ZNF804B: variants seen among roughly 807,000 people sequenced by gnomAD.
ZNF804B encodes the protein zinc finger 804B.
In ZNF804B, 80 loss-of-function variants were observed where a neutral mutation model predicts 101.4. That is an observed-to-expected ratio of 0.79 (90% confidence interval 0.66 to 0.95). The LOEUF (loss-of-function observed/expected upper bound fraction) is 0.95, where lower values mean the gene tolerates loss of function less well. ZNF804B is among the 40% of genes least tolerant of loss of function. The probability of loss-of-function intolerance (pLI) is 0.00; values close to 1 mark genes in which losing one functional copy is unlikely to be tolerated. For synonymous variants in ZNF804B, 622 were observed against 558.8 expected (o/e 1.11, Z -1.59); for missense variants, 1,673 against 1,561.9 (o/e 1.07, Z -1.20).
rs759020919 is a variant in ZNF804B at position 89,333,904 on chromosome 7, G to A, written c.922G>A (p.Asp308Asn). 23 of 1,613,250 alleles carry A rather than the reference G, an allele frequency of 1.4e-5. No individual in the cohort carries two copies. Among genetic ancestry groups the A allele is most frequent in the South Asian group, 4.4e-5 (4 of 91,032 alleles). ...CTCTAAAATTTTGCAAGACAAACAC[G>A]ACTCTATTGATGAGACACTAGAAGA... ...INSKILQDKH[D>N]SIDETLEDSI... Residue 308 changes from aspartate (D) to asparagine (N), a missense_variant, in exon 4 of 4, where the codon GAC becomes AAC. Coordinates refer to ENST00000333190, the MANE Select transcript of ZNF804B (RefSeq NM_181646.5).
chr7:89,304,652 AATAG>A (rs1790534385), intron 2 of ZNF804B, among the ~76,000 whole-genome samples: 1 of 151,924 alleles, frequency 6.6e-6, no homozygotes, highest in South Asian at 2.1e-4. Flanking sequence ...CTTATCTCTT[AATAG>A]ATTACAATGA....
chr7:88,821,566 G>A (rs953707800), intron 1 of ZNF804B, among the ~76,000 whole-genome samples: 3 of 152,268 alleles, frequency 2.0e-5, no homozygotes, highest in Admixed American at 6.5e-5. Context: ...CACGTGCAAG[G>A]TTATTGTAAA....
At chr7:89,199,976 A>G (rs1788607639) in intron 1 of ZNF804B, among the ~76,000 whole-genome samples, 1 of 149,202 alleles carries the variant, frequency 6.7e-6, no homozygotes, top group African/African-American at 2.4e-5. Flanking sequence ...AAATACATCT[A>G]TAATATACAT....
intron 1 of ZNF804B, among the ~76,000 whole-genome samples, chr7:88,850,894 A>G (rs1791442335): frequency 1.3e-5 from 2 of 152,128 alleles, no homozygotes; most frequent in Non-Finnish European, 2.9e-5. Context: ...ACTGTATTCC[A>G]TATGTTTAGA....
intron 1 of ZNF804B, among the ~76,000 whole-genome samples, chr7:88,879,510 G>A (rs1583994061): frequency 1.3e-5 from 2 of 152,254 alleles, no homozygotes; most frequent in South Asian, 2.1e-4. Context: ...ATTTATGTGA[G>A]AATATGTGTG....
chr7:89,249,041 AAAAAG>A (rs1789496597), intron 2 of ZNF804B, among the ~76,000 whole-genome samples: 1 of 151,970 alleles, frequency 6.6e-6, no homozygotes, highest in African/African-American at 2.4e-5. Context: ...AAAAAAAAAA[AAAAAG>A]GACAAAGAAG....
At chr7:88,920,283 G>T (rs1792701329) in intron 1 of ZNF804B, among the ~76,000 whole-genome samples, 1 of 151,950 alleles carries the variant, frequency 6.6e-6, no homozygotes, top group South Asian at 2.1e-4. Context: ...TATTAATTTT[G>T]CATGACTGGA....
At chr7:89,145,631 G>C (rs1790779839) in intron 1 of ZNF804B, among the ~76,000 whole-genome samples, 1 of 151,912 alleles carries the variant, frequency 6.6e-6, no homozygotes, top group Admixed American at 6.6e-5. Context: ...CTTAAATGAA[G>C]TAACAACTTA....
chr7:89,036,872 T>C (rs1788937976), intron 1 of ZNF804B, among the ~76,000 whole-genome samples: 2 of 152,134 alleles, frequency 1.3e-5, no homozygotes, highest in Non-Finnish European at 2.9e-5. Context: ...AAGGTCTGTA[T>C]GCTTAAATTG....
chr7:88,878,466 A>G lies in ZNF804B; in HGVS notation c.108+118382A>G, dbSNP rs1442636459. Among the ~76,000 whole-genome samples, 5 of 152,166 alleles carry G rather than the reference A, an allele frequency of 3.3e-5. No homozygotes were observed. In the East Asian group the frequency reaches 9.6e-4, roughly 29 times the overall value. ...TAGATTACTCAGTATTCTCATCTGTAAAACAGATATAATAAGGGTGTCTGC... is the reference window on the plus strand; with the variant it reads ...TAGATTACTCAGTATTCTCATCTGTGAAACAGATATAATAAGGGTGTCTGC... On this transcript the variant is annotated intron_variant, in intron 1 of 3. Coordinates refer to ENST00000333190, the MANE Select transcript of ZNF804B (RefSeq NM_181646.5).
chr7:89,013,701 C>T (rs1201483724), intron 1 of ZNF804B, among the ~76,000 whole-genome samples: 5 of 152,032 alleles, frequency 3.3e-5, no homozygotes, highest in Admixed American at 1.3e-4. Context: ...TAGTCTAGAC[C>T]GTTAGAACGT....
intron 2 of ZNF804B, among the ~76,000 whole-genome samples, chr7:89,240,767 A>G (rs1272348688): frequency 6.6e-6 from 1 of 152,004 alleles, no homozygotes; most frequent in African/African-American, 2.4e-5. Flanking sequence ...GCAGAGCATA[A>G]TTTCTTGCTG....
intron 1 of ZNF804B, among the ~76,000 whole-genome samples, chr7:89,203,002 A>G (rs990858712): frequency 1.3e-5 from 2 of 152,064 alleles, no homozygotes; most frequent in Non-Finnish European, 2.9e-5. Flanking sequence ...CTAGTTCTCT[A>G]CACAGCACAC....
chr7:89,243,514 T>C (rs1192111857), intron 2 of ZNF804B, among the ~76,000 whole-genome samples: 1 of 151,836 alleles, frequency 6.6e-6, no homozygotes, highest in African/African-American at 2.4e-5. Flanking sequence ...ATACTTATAC[T>C]CAAAAATAAT....
At chr7:89,153,925 C>T (rs905854453) in intron 1 of ZNF804B, among the ~76,000 whole-genome samples, 5 of 152,064 alleles carry the variant, frequency 3.3e-5, no homozygotes, top group African/African-American at 7.2e-5. Context: ...CATTTCTTTC[C>T]GTTTTGACCA....
At chr7:89,138,231 G>A (rs1170917403) in intron 1 of ZNF804B, among the ~76,000 whole-genome samples, 2 of 151,986 alleles carry the variant, frequency 1.3e-5, no homozygotes, top group African/African-American at 4.8e-5. Flanking sequence ...TCTTTACTGG[G>A]GCACTGCCTA....
At chr7:89,203,407 AAGCATAAGTAGTTTAT>A (rs1788673848) in intron 1 of ZNF804B, among the ~76,000 whole-genome samples, 1 of 152,176 alleles carries the variant, frequency 6.6e-6, no homozygotes, top group Non-Finnish European at 1.5e-5. Flanking sequence ...TTTAATAGAC[AAGCATAAGTAGTTTAT>A]AGCGGCTCTT....
At chr7:88,813,054 A>G (rs1345207715) in intron 1 of ZNF804B, among the ~76,000 whole-genome samples, 3 of 152,216 alleles carry the variant, frequency 2.0e-5, no homozygotes, top group African/African-American at 7.2e-5. Context: ...TTTTACCACA[A>G]TTAAAAAATG....
intron 1 of ZNF804B, chr7:88,795,053 A>C (rs1586905959): frequency 2.7e-6 from 1 of 366,734 alleles, no homozygotes; most frequent in South Asian, 9.0e-5. Context: ...TCTTCTGACA[A>C]AAAAAAAAAG....
Sources: gnomAD v4.1 joint callset for allele counts (sites outside exome capture counted in the v4.1 genomes callset) on GRCh38, gnomAD v4.1.1 for gene constraint, MANE v1.5 for transcripts, NCBI Gene and HGNC (gene_info 2026-07-23, HGNC 2026-07-21) for gene names.